Variants in EPB41L3 observed in about 807,000 individuals in gnomAD.
The protein encoded by EPB41L3 is band 4.1-like protein 3.
A neutral mutation model predicts 127.1 loss-of-function variants in EPB41L3; 57 were observed. The ratio of observed to expected loss-of-function variants is 0.45; its 90% CI spans 0.36 to 0.56. The LOEUF is 0.56. EPB41L3 is among the 20% of genes least tolerant of loss of function. The pLI, the probability that EPB41L3 is intolerant of heterozygous loss-of-function variation, is 0.00. For missense variants in EPB41L3, 1,273 were observed against 1,372.2 expected, an observed-to-expected ratio of 0.93 and a Z score of 1.14; for synonymous variants, 572 against 549.5, an observed-to-expected ratio of 1.04 and a Z score of -0.57.
chr18:5,452,055 T>C (rs1204683235), intron 3 of EPB41L3, among the ~76,000 whole-genome samples: 1 of 152,078 alleles, frequency 6.6e-6, no homozygotes, highest in African/African-American at 2.4e-5. Context: ...AGTAGAGACA[T>C]GGTCACTCGA....
intron 3 of EPB41L3, among the ~76,000 whole-genome samples, chr18:5,584,051 G>A (rs1284228104): frequency 2.0e-5 from 3 of 152,122 alleles, no homozygotes; most frequent in African/African-American, 7.2e-5. Flanking sequence ...CAGATGACCC[G>A]CCTGCCTCCC....
At chr18:5,629,559 T>G (rs2094965759), upstream of EPB41L3, among the ~76,000 whole-genome samples, 1 of 152,164 alleles carries the variant, frequency 6.6e-6, no homozygotes, top group African/African-American at 2.4e-5. Context: ...GCGGAGGCTC[T>G]GGCCTCATCT....
Position 5,406,762 on chromosome 18 carries a change from A to G in EPB41L3, c.2349+15T>C, listed in dbSNP as rs753945654. The stretch of plus-strand genomic sequence containing the variant: ...TAAACAGAATACGAGTCTGACCACA[A>G]ACCTGACTACTGACCTCTTCAGGGA... On this transcript the variant is annotated intron_variant, in intron 16 of 22. Transcript: ENST00000341928. 2.1e-5 allele frequency: 33 copies of G among 1,607,540 alleles called. No individual in the cohort carries two copies. The Admixed American group carries it at 5.4e-4, about 26-fold the overall frequency.
At chr18:5,601,339 A>G (rs1256861775) in intron 3 of EPB41L3, among the ~76,000 whole-genome samples, 1 of 152,122 alleles carries the variant, frequency 6.6e-6, no homozygotes, top group Non-Finnish European at 1.5e-5. Context: ...ACCTCCCTCC[A>G]ATGCTGCTAA....
intron 2 of EPB41L3, 98 bp from the exon 3 acceptor site, chr18:5,478,536 G>C (rs907756298): frequency 5.4e-5 from 57 of 1,048,472 alleles, no homozygotes; most frequent in Non-Finnish European, 8.6e-6. Flanking sequence ...ATTTCATAGA[G>C]GAGAGGTATT....
At chr18:5,573,425 T>C (rs541091740) in intron 3 of EPB41L3, among the ~76,000 whole-genome samples, 1 of 152,270 alleles carries the variant, frequency 6.6e-6, no homozygotes, top group South Asian at 2.1e-4. Flanking sequence ...CTCCAATAAA[T>C]AGGACTAGAA....
intron 3 of EPB41L3, among the ~76,000 whole-genome samples, chr18:5,590,122 C>T (rs2094473019): frequency 1.3e-5 from 2 of 152,278 alleles, no homozygotes; most frequent in Non-Finnish European, 2.9e-5. Flanking sequence ...ACACACTGCT[C>T]CATTCTTTTG....
At chr18:5,396,696 T>C (rs1023090473) in intron 18 of EPB41L3, among the ~76,000 whole-genome samples, 1 of 152,182 alleles carries the variant, frequency 6.6e-6, no homozygotes, top group African/African-American at 2.4e-5. Context: ...CGGGTAAACA[T>C]GGTTTTGGTG....
chr18:5,413,110 T>C (rs2076399001), intron 13 of EPB41L3, among the ~76,000 whole-genome samples: 1 of 152,186 alleles, frequency 6.6e-6, no homozygotes, highest in African/African-American at 2.4e-5. Context: ...ACTGCAAATA[T>C]ATAACATATC....
chr18:5,627,606 T>C (rs1175395254), intron 1 of EPB41L3, among the ~76,000 whole-genome samples: 1 of 152,214 alleles, frequency 6.6e-6, no homozygotes, highest in Non-Finnish European at 1.5e-5. Flanking sequence ...ATTCTGATTT[T>C]AATAATGATT....
At chr18:5,539,245 GCTTTCTCTCT>G (rs1568536153) in intron 1 of EPB41L3, among the ~76,000 whole-genome samples, 2 of 45,518 alleles carry the variant, frequency 4.4e-5, no homozygotes, top group African/African-American at 1.2e-4. Flanking sequence ...AGACCTTTCT[GCTTTCTCTCT>G]CTCTCTCTCT....
intron 2 of EPB41L3, among the ~76,000 whole-genome samples, chr18:5,484,122 C>CAAAAAAAAAAAAAAAAAAAAAAAAAA (rs2089255322): frequency 1.3e-5 from 1 of 75,162 alleles, no homozygotes; most frequent in Non-Finnish European, 2.5e-5. Context: ...AAAAAAAAAA[C>CAAAAAAAAAAAAAAAAAAAAAAAAAA]AGAAAAAAAA....
In EPB41L3 at chr18:5,586,151, G is replaced by A. The variant is rs577196910; in HGVS notation, c.-306+26189C>T. Among the ~76,000 whole-genome samples the A allele has an allele frequency of 4.6e-5, 7 of 152,198 alleles. No homozygotes were observed. The South Asian group carries it at 1.0e-3, about 23-fold the overall frequency. ...GTGCCTCTGCTTCCTATGATGTGATGGTCCTAATTGATACATCCAGAAATT... is the reference window on the plus strand; with the variant it reads ...GTGCCTCTGCTTCCTATGATGTGATAGTCCTAATTGATACATCCAGAAATT... On this transcript the variant is annotated intron_variant, in intron 3 of 21. Coordinates refer to the EPB41L3 transcript ENST00000545076.
At chr18:5,446,906 ATAT>A (rs2081558281) in intron 3 of EPB41L3, among the ~76,000 whole-genome samples, 1 of 152,242 alleles carries the variant, frequency 6.6e-6, no homozygotes, top group Admixed American at 6.5e-5. Flanking sequence ...AAATAACAGC[ATAT>A]TATTTCTGAA....
chr18:5,582,208 C>T (rs2094400153), intron 3 of EPB41L3, among the ~76,000 whole-genome samples: 1 of 151,952 alleles, frequency 6.6e-6, no homozygotes, highest in South Asian at 2.1e-4. Context: ...GCTCCCTGGT[C>T]ACTCCGTTTT....
intron 3 of EPB41L3, among the ~76,000 whole-genome samples, chr18:5,471,253 G>A (rs555159116): frequency 6.6e-6 from 1 of 152,172 alleles, no homozygotes; most frequent in Non-Finnish European, 1.5e-5. Flanking sequence ...CAGTTGAAAG[G>A]GCAGCACCGC....
intron 3 of EPB41L3, among the ~76,000 whole-genome samples, chr18:5,564,501 G>A (rs1394680169): frequency 2.6e-5 from 4 of 152,154 alleles, no homozygotes; most frequent in African/African-American, 9.6e-5. Flanking sequence ...AGGAATCACA[G>A]AGATGGAAAG....
chr18:5,398,261 C>A (rs865833437), intron 16 of EPB41L3, 118 bp from the exon 17 acceptor site: 11 of 1,157,136 alleles, frequency 9.5e-6, no homozygotes, highest in South Asian at 3.1e-5. Flanking sequence ...GGAGGAAGAA[C>A]GAAGGAATCT....
At chr18:5,432,715 C>G (rs909401785) in intron 8 of EPB41L3, among the ~76,000 whole-genome samples, 1 of 152,158 alleles carries the variant, frequency 6.6e-6, no homozygotes, top group African/African-American at 2.4e-5. Context: ...TGTATCCTCA[C>G]GACTGTAACC....
Sources: allele counts gnomAD v4.1 joint callset (sites outside exome capture counted in the v4.1 genomes callset), GRCh38; gene constraint gnomAD v4.1.1; transcripts MANE v1.5; gene names NCBI Gene and HGNC (gene_info 2026-07-23, HGNC 2026-07-21).